The following CSMD1 variants were observed in gnomAD, a reference collection of about 807,000 sequenced individuals.
CSMD1 encodes the protein CUB and Sushi multiple domains 1, also known as CUB and sushi domain-containing protein 1.
In CSMD1, 213 loss-of-function variants were observed where a neutral mutation model predicts 417.5. The ratio of observed to expected loss-of-function variants is 0.51; its 90% CI spans 0.46 to 0.57. CSMD1 has a LOEUF of 0.57. Ranked by LOEUF, CSMD1 falls within the 20% of genes least tolerant of loss-of-function variation. The pLI, the probability that CSMD1 is intolerant of heterozygous loss-of-function variation, is 0.00. For missense variants in CSMD1, 6,923 were observed against 4,529.7 expected (o/e 1.53, Z -15.17); for synonymous variants, 2,862 against 1,736.8 (o/e 1.65, Z -16.11).
intron 3 of CSMD1, among the ~76,000 whole-genome samples, chr8:4,128,655 A>G (rs1344983065): frequency 6.6e-6 from 1 of 152,096 alleles, no homozygotes; most frequent in East Asian, 1.9e-4. Context: ...CCACATGGAA[A>G]TATGTCTTCT....
intron 5 of CSMD1, among the ~76,000 whole-genome samples, chr8:3,950,449 C>T (rs1277601958): frequency 6.6e-6 from 1 of 152,212 alleles, no homozygotes; most frequent in Non-Finnish European, 1.5e-5. Flanking sequence ...ATCTCCAACG[C>T]ATGAGTGGTT....
chr8:3,584,364 T>C (rs865978555), intron 9 of CSMD1, among the ~76,000 whole-genome samples: 12 of 152,158 alleles, frequency 7.9e-5, no homozygotes, highest in Non-Finnish European at 1.6e-4. Flanking sequence ...AAAAGTGTTC[T>C]CTTCCAAAAT....
At chr8:3,691,089 G>A (rs745882447) in intron 7 of CSMD1, among the ~76,000 whole-genome samples, 28 of 152,036 alleles carry the variant, frequency 1.8e-4, no homozygotes, top group Admixed American at 3.3e-4. Flanking sequence ...TCAATGGGCC[G>A]GGCTTGGTGG....
chr8:4,565,670 G>A (rs953028583), intron 2 of CSMD1, among the ~76,000 whole-genome samples: 1 of 150,588 alleles, frequency 6.6e-6, no homozygotes, highest in Admixed American at 6.6e-5. Flanking sequence ...AGGAGGCAGA[G>A]GTTGCAGTGA....
intron 3 of CSMD1, among the ~76,000 whole-genome samples, chr8:4,194,726 T>G (rs778158750): frequency 2.6e-5 from 4 of 152,084 alleles, no homozygotes; most frequent in African/African-American, 9.7e-5. Context: ...AAATTATGCT[T>G]AACAGATTTC....
chr8:3,691,445 G>A (rs918299504), intron 7 of CSMD1, among the ~76,000 whole-genome samples: 5 of 152,078 alleles, frequency 3.3e-5, no homozygotes, highest in Non-Finnish European at 5.9e-5. Context: ...GAAGATTGGC[G>A]CTTCCTTTAT....
chr8:3,471,173 G>A (rs1817073950), intron 11 of CSMD1, among the ~76,000 whole-genome samples: 2 of 152,126 alleles, frequency 1.3e-5, no homozygotes, highest in South Asian at 2.1e-4. Flanking sequence ...ATAGGCATTC[G>A]GTGTTGTCGG....
intron 26 of CSMD1, among the ~76,000 whole-genome samples, chr8:3,270,630 T>C (rs549572754): frequency 3.9e-5 from 6 of 152,324 alleles, no homozygotes; most frequent in African/African-American, 1.4e-4. Context: ...GTATAATGTG[T>C]TCTTTACTCA....
chr8:3,011,350 C>G (rs1034454902), intron 52 of CSMD1, among the ~76,000 whole-genome samples: 1 of 152,148 alleles, frequency 6.6e-6, no homozygotes, highest in East Asian at 1.9e-4. Flanking sequence ...GGAGGCAGTG[C>G]TAATCTTTCT....
intron 1 of CSMD1, among the ~76,000 whole-genome samples, chr8:4,779,275 T>C (rs1239379943): frequency 6.7e-6 from 1 of 149,972 alleles, no homozygotes; most frequent in Non-Finnish European, 1.5e-5. Flanking sequence ...ATCCCTTCCA[T>C]GTATAGGGGT....
At chr8:4,069,780 T>G (rs1799449990) in intron 3 of CSMD1, among the ~76,000 whole-genome samples, 1 of 152,208 alleles carries the variant, frequency 6.6e-6, no homozygotes, top group Non-Finnish European at 1.5e-5. Context: ...AAACTCCTGT[T>G]TTGGTGTTAA....
intron 5 of CSMD1, among the ~76,000 whole-genome samples, chr8:3,894,536 G>C (rs1017353543): frequency 1.3e-5 from 2 of 152,094 alleles, no homozygotes; most frequent in African/African-American, 2.4e-5. Flanking sequence ...TCCTATGATA[G>C]ATTCCTCAAA....
At chr8:4,158,775 G>T (rs1277207849) in intron 3 of CSMD1, among the ~76,000 whole-genome samples, 3 of 152,298 alleles carry the variant, frequency 2.0e-5, no homozygotes, top group South Asian at 2.1e-4. Flanking sequence ...GAACACTGAA[G>T]TGTTGGGATT....
chr8:4,831,026 A>G (rs965255360), intron 1 of CSMD1, among the ~76,000 whole-genome samples: 7 of 152,212 alleles, frequency 4.6e-5, no homozygotes, highest in Non-Finnish European at 7.3e-5. Context: ...CACTTGGTGA[A>G]TAACAGGATG....
intron 3 of CSMD1, among the ~76,000 whole-genome samples, chr8:4,160,413 A>C (rs1797084137): frequency 6.6e-6 from 1 of 152,214 alleles, no homozygotes; most frequent in Non-Finnish European, 1.5e-5. Flanking sequence ...GCAACTTTAA[A>C]TTCAATGAAA....
chr8:3,026,793 G>C (rs1472144034), intron 51 of CSMD1, among the ~76,000 whole-genome samples: 1 of 152,198 alleles, frequency 6.6e-6, no homozygotes, highest in African/African-American at 2.4e-5. Flanking sequence ...AACTAACACA[G>C]GTCCTCAAAT....
At chr8:3,402,028 A>G (rs1393068551) in intron 15 of CSMD1, among the ~76,000 whole-genome samples, 1 of 152,028 alleles carries the variant, frequency 6.6e-6, no homozygotes, top group Non-Finnish European at 1.5e-5. Context: ...ACACACACAC[A>G]CATACACCCC....
chr8:4,083,286 G>A (rs957530025), intron 3 of CSMD1, among the ~76,000 whole-genome samples: 2 of 152,120 alleles, frequency 1.3e-5, no homozygotes, highest in African/African-American at 4.8e-5. Flanking sequence ...GTCGTTTCCT[G>A]ACTTTTTAAT....
At chr8:3,305,123 C>G (rs1804728654) in intron 25 of CSMD1, among the ~76,000 whole-genome samples, 3 of 152,190 alleles carry the variant, frequency 2.0e-5, no homozygotes, top group Admixed American at 2.0e-4. Context: ...TCAAGACATC[C>G]TCTTGCTTCA....
Sources: allele counts gnomAD v4.1 joint callset (sites outside exome capture counted in the v4.1 genomes callset), GRCh38; gene constraint gnomAD v4.1.1; transcripts MANE v1.5; gene names NCBI Gene and HGNC (gene_info 2026-07-23, HGNC 2026-07-21).